Variants in ESR2 observed in about 807,000 individuals in gnomAD.
ESR2 encodes the protein estrogen receptor 2, also known as estrogen receptor beta.
Under a neutral mutation model 49.6 loss-of-function variants are expected in ESR2, and 36 were observed. The ratio of observed to expected loss-of-function variants is 0.73; its 90% CI spans 0.56 to 0.96. ESR2 has a LOEUF of 0.96. Among genes scored for constraint, ESR2 ranks in the 40% least tolerant of loss-of-function variants. ESR2 has a pLI of 0.00. For missense variants in ESR2, 714 were observed against 693.0 expected (o/e 1.03, Z -0.34); for synonymous variants, 320 against 266.1 (o/e 1.20, Z -1.97).
At chr14:64,307,539 TTTTG>T (rs1218906999) in intron 1 of ESR2, among the ~76,000 whole-genome samples, 2 of 150,842 alleles carry the variant, frequency 1.3e-5, no homozygotes, top group African/African-American at 2.4e-5. Context: ...TTTTGTTTTG[TTTTG>T]TTTATTTTTG....
Position 64,231,322 on chromosome 14 carries a change from T to TC in ESR2, c.*1814dup, listed in dbSNP as rs923232711. 3.9e-5 allele frequency: 6 copies of TC among 152,236 alleles called. No individual in the cohort carries two copies. The highest frequency in any genetic ancestry group is 7.4e-5 in the Non-Finnish European group (5 of 68,006). 9.4% of individuals were successfully genotyped at this position (152,236 alleles called of 1,614,324 possible). On this transcript the variant is annotated 3_prime_UTR_variant, in exon 9 of 9. Coordinates refer to ENST00000341099, the MANE Select transcript of ESR2 (RefSeq NM_001437.3). ...TCCTACTCTCCAGCTTCCAAACCCC[T>TC]CTATTGGGAGTGGGGGATTCTAGGC...
In ESR2 at chr14:64,282,608, T is replaced by A; in HGVS notation, c.362+16A>T. The A allele has an allele frequency of 1.3e-6, 2 of 1,568,960 alleles. No homozygotes were observed. The highest frequency in any genetic ancestry group is 1.7e-6 in the Non-Finnish European group (2 of 1,153,502). On this transcript the variant is annotated intron_variant, in intron 2 of 8. Coordinates refer to ENST00000341099, the MANE Select transcript of ESR2 (RefSeq NM_001437.3). ...AATGGCTAGCAACTATAATTCAGAA[T>A]GAAGACTGGACTTACCTGTTTACAG...
chr14:64,322,502 T>C (rs28533821), intron 1 of ESR2, among the ~76,000 whole-genome samples: 23,292 of 146,954 alleles, frequency 0.16, 2,441 homozygotes, highest in African/African-American at 0.29. Flanking sequence ...TAGTAAGACC[T>C]TATCTCCACA....
Position 64,231,795 on chromosome 14 carries a change from C to T in ESR2, c.*1342G>A, listed in dbSNP as rs1239525606. 6.6e-6 allele frequency: 1 copy of T among 152,162 alleles called. No individual in the cohort carries two copies. Among genetic ancestry groups the T allele is most frequent in the Non-Finnish European group, 1.5e-5 (1 of 68,038 alleles). The allele number at this position is 152,162 out of a possible 1,614,324, so 9.4% of individuals were successfully genotyped here. The stretch of plus-strand genomic sequence containing the variant: ...CCATAGTATGCTGTTACTCATTTTA[C>T]ATATTCACCGTGTATCCAAAACTGG... On this transcript the variant is annotated 3_prime_UTR_variant, in exon 9 of 9. Coordinates refer to ENST00000341099, the MANE Select transcript of ESR2 (RefSeq NM_001437.3).
At chr14:64,309,913 C>T (rs750899972) in intron 1 of ESR2, among the ~76,000 whole-genome samples, 2 of 151,950 alleles carry the variant, frequency 1.3e-5, no homozygotes, top group African/African-American at 2.4e-5. Flanking sequence ...GGCAAAACGC[C>T]GTCTCTAATA....
chr14:64,295,038 G>A (rs1596469289), upstream of ESR2, among the ~76,000 whole-genome samples: 1 of 152,204 alleles, frequency 6.6e-6, no homozygotes. Flanking sequence ...CCCCCTGGTG[G>A]CAGCCCCAGT....
chr14:64,277,401 G>A (rs376619015), intron 3 of ESR2, among the ~76,000 whole-genome samples: 23 of 151,942 alleles, frequency 1.5e-4, no homozygotes, highest in African/African-American at 4.8e-4. Context: ...CGAGGCGGGC[G>A]GATCACAAGG....
intron 3 of ESR2, among the ~76,000 whole-genome samples, chr14:64,269,591 G>C (rs567803411): frequency 6.6e-6 from 1 of 152,192 alleles, no homozygotes; most frequent in East Asian, 1.9e-4. Context: ...AGTTTGGCTT[G>C]GCCTCTTGAG....
chr14:64,299,565 T>C (rs1287928766), intron 1 of ESR2, among the ~76,000 whole-genome samples: 2 of 152,162 alleles, frequency 1.3e-5, no homozygotes, highest in East Asian at 3.9e-4. Context: ...GGTTTCACCG[T>C]GGTAGCCAGG....
At chr14:64,245,527 A>T (rs2075835346) in intron 7 of ESR2, among the ~76,000 whole-genome samples, 1 of 151,592 alleles carries the variant, frequency 6.6e-6, no homozygotes, top group African/African-American at 2.4e-5. Flanking sequence ...AAAAAAAAAA[A>T]AAAAAAAAAG....
intron 7 of ESR2, among the ~76,000 whole-genome samples, chr14:64,244,260 C>T (rs760981029): frequency 2.8e-4 from 43 of 152,122 alleles, no homozygotes; most frequent in African/African-American, 9.9e-4. Flanking sequence ...ATTAGCCAGG[C>T]GTGGTGGCAG....
rs1452290227 is a variant in ESR2 at position 64,240,941 on chromosome 14, G to A, written c.1226-5791C>T. ...GGGCGGATCACGAGATCAGGAGATC[G>A]AGACCATCCTGGCTAACACGGTGAA... On this transcript the variant is annotated intron_variant, in intron 7 of 8. Coordinates refer to ENST00000341099, the MANE Select transcript of ESR2 (RefSeq NM_001437.3). 2.0e-5 allele frequency among the ~76,000 whole-genome samples: 3 copies of A among 151,742 alleles called. No individual in the cohort carries two copies. The East Asian group carries it at 5.8e-4, about 29-fold the overall frequency.
chr14:64,290,919 A>T (rs143389947), intron 1 of ESR2, among the ~76,000 whole-genome samples: 1 of 152,170 alleles, frequency 6.6e-6, no homozygotes, highest in African/African-American at 2.4e-5. Context: ...GTTGGATAGG[A>T]AAGAGTTTCA....
chr14:64,324,276 A>T (rs1314965348), intron 1 of ESR2, among the ~76,000 whole-genome samples: 1 of 152,186 alleles, frequency 6.6e-6, no homozygotes, highest in Non-Finnish European at 1.5e-5. Flanking sequence ...TGATGGTTTT[A>T]TCTGTCAAAT....
At chr14:64,321,475 A>C (rs1322537701) in intron 1 of ESR2, among the ~76,000 whole-genome samples, 1 of 152,196 alleles carries the variant, frequency 6.6e-6, no homozygotes, top group African/African-American at 2.4e-5. Flanking sequence ...TTAATCACAT[A>C]AACAAAATGA....
rs138769131 is a variant in ESR2, at chr14:64,255,231, G to T, written c.1091+1995C>A. 5.8e-3 allele frequency among the ~76,000 whole-genome samples: 884 copies of T among 152,184 alleles called. 11 individuals carry two copies. The highest frequency in any genetic ancestry group is 0.021 in the African/African-American group (857 of 41,522). ...TAATCCTAAAGTCTGCAAATTATTT[G>T]TCAAGGGATGGAATGTGTTCCTAGG... On this transcript the variant is annotated intron_variant, in intron 6 of 8. Transcript: ENST00000341099.
rs2076711724 is a variant in ESR2 at position 64,282,972 on chromosome 14, T to G, written c.14A>C (p.Asn5Thr). 1 of 1,611,946 alleles carries G rather than the reference T, an allele frequency of 6.2e-7. No homozygotes were observed. The change falls in exon 2 of 9, where the codon AAC becomes ACC. Residue 5 changes from asparagine to threonine, a missense_variant. Coordinates refer to ENST00000341099, the MANE Select transcript of ESR2 (RefSeq NM_001437.3). ...AGGAGAATTAAGGCTAGATGGTGAG[T>G]TTTTTATATCCATGTCTTGAGATAA... is the stretch of plus-strand genomic sequence containing the variant. MDIK[N>T]SPSSLNSPSS...
In ESR2 at chr14:64,259,630, T is replaced by C. The variant is rs146113512; in HGVS notation, c.952+819A>G. On this transcript the variant is annotated intron_variant, in intron 5 of 8. Coordinates refer to ENST00000341099, the MANE Select transcript of ESR2 (RefSeq NM_001437.3). ...AATGGGCTTGAGAGAAGTGATCACT[T>C]TGGAGGATGGAAAACGCAGGTTCCA... Among the ~76,000 whole-genome samples the C allele has an allele frequency of 2.0e-5, 3 of 152,256 alleles. No individual in the cohort carries two copies. The East Asian group carries it at 5.8e-4, about 29-fold the overall frequency.
chr14:64,249,482 C>T lies in ESR2; in HGVS notation c.1225+64G>A, dbSNP rs962015310. 42 of 1,537,746 alleles carry T rather than the reference C, an allele frequency of 2.7e-5. 1 individual carries two copies. The highest frequency in any genetic ancestry group is 3.7e-5 in the Non-Finnish European group (42 of 1,129,312). On this transcript the variant is annotated intron_variant, in intron 7 of 8. Transcript: ENST00000341099. Reference sequence around the variant, plus strand: ...AGAAGTTCAACATTCTTCTTAATATCACGCTAGTTGTAGAAACAGCATCTC... The same window carrying T: ...AGAAGTTCAACATTCTTCTTAATATTACGCTAGTTGTAGAAACAGCATCTC...
Sources: allele counts gnomAD v4.1 joint callset (sites outside exome capture counted in the v4.1 genomes callset), GRCh38; gene constraint gnomAD v4.1.1; transcripts MANE v1.5; gene names NCBI Gene and HGNC (gene_info 2026-07-23, HGNC 2026-07-21).